Variants in GRIK4 observed in about 807,000 individuals in gnomAD.
GRIK4 encodes the protein glutamate receptor ionotropic, kainate 4.
A neutral mutation model predicts 104.9 loss-of-function variants in GRIK4; 40 were observed. The observed-to-expected ratio is 0.38, with a 90% CI of 0.30 to 0.50. The LOEUF (loss-of-function observed/expected upper bound fraction) is 0.50, where lower values mean the gene tolerates loss of function less well. Among genes scored for constraint, GRIK4 ranks in the 20% least tolerant of loss-of-function variants. The pLI is 0.93. For synonymous variants in GRIK4, 485 were observed against 524.9 expected (o/e 0.92, Z 1.04); for missense variants, 1,047 against 1,308.1 (o/e 0.80, Z 3.08).
rs772831685 is a variant in GRIK4 at position 120,986,156 on chromosome 11, C to T, written c.2767C>T (p.Pro923Ser). 6.5e-7 allele frequency: 1 copy of T among 1,545,256 alleles called. No individual in the cohort carries two copies. Among genetic ancestry groups the T allele is most frequent in the South Asian group, 1.2e-5 (1 of 85,188 alleles). Reference sequence around the variant, plus strand: ...CGGCTGCACGCACATCCGCGTCTGCCCCGAGTGCCGCCGCTTCCAGGGCCT... The same window carrying T: ...CGGCTGCACGCACATCCGCGTCTGCTCCGAGTGCCGCCGCTTCCAGGGCCT... ...ARGCTHIRVC[P>S]ECRRFQGLRA... Residue 923 changes from proline to serine, a missense_variant, in exon 21 of 21, where the codon CCC becomes TCC. Coordinates refer to ENST00000527524, the MANE Select transcript of GRIK4 (RefSeq NM_014619.5).
In GRIK4 at chr11:120,985,968, AC is replaced by A; in HGVS notation, c.2584del (p.Arg862AlafsTer193). 2 of 1,526,704 alleles carry A rather than the reference AC, an allele frequency of 1.3e-6. No individual in the cohort carries two copies. Among genetic ancestry groups the A allele is most frequent in the East Asian group, 5.1e-5 (2 of 38,996 alleles). 94.6% of individuals were successfully genotyped at this position (1,526,704 alleles called of 1,614,324 possible). ...ATTATCCTGTGTCAGGACAGTATCC[AC>A]CCCCGCCGGCGGCGCGCCGCAGTCC... ...RSIILCQDSI[H>X]PRRRRAAVPP... On this transcript the variant is annotated frameshift_variant, in exon 21 of 21. Coordinates refer to ENST00000527524, the MANE Select transcript of GRIK4 (RefSeq NM_014619.5). LOFTEE classifies it high-confidence loss of function.
At chr11:120,613,670 C>T (rs185497360) in intron 1 of GRIK4, among the ~76,000 whole-genome samples, 2 of 152,298 alleles carry the variant, frequency 1.3e-5, no homozygotes, top group Admixed American at 1.3e-4. Flanking sequence ...CGTGTTTTTC[C>T]ATCCCCAAAA....
chr11:120,627,614 A>T (rs1321811651), intron 1 of GRIK4, among the ~76,000 whole-genome samples: 1 of 152,162 alleles, frequency 6.6e-6, no homozygotes, highest in South Asian at 2.1e-4. Flanking sequence ...CCCAGGAGGC[A>T]GGCCCTGCTG....
At chr11:120,934,191 C>G (rs1043943348) in intron 13 of GRIK4, among the ~76,000 whole-genome samples, 1 of 114,510 alleles carries the variant, frequency 8.7e-6, no homozygotes, top group Non-Finnish European at 1.6e-5. Context: ...GGTGACAGAG[C>G]GAGACTCCGT....
At chr11:120,654,155 T>G (rs1278344722) in intron 2 of GRIK4, among the ~76,000 whole-genome samples, 3 of 152,186 alleles carry the variant, frequency 2.0e-5, no homozygotes, top group Admixed American at 6.5e-5. Flanking sequence ...TGAATTCAAC[T>G]GTAGTCAAAG....
intron 1 of GRIK4, among the ~76,000 whole-genome samples, chr11:120,581,691 TATC>T (rs1167720068): frequency 6.6e-6 from 1 of 152,216 alleles, no homozygotes; most frequent in Non-Finnish European, 1.5e-5. Context: ...TTATTTCAGT[TATC>T]ATAATGTCCT....
rs72995874 is a variant in GRIK4 at position 120,805,844 on chromosome 11, G to T, written c.247+2987G>T. 1.5e-3 allele frequency among the ~76,000 whole-genome samples: 225 copies of T among 152,316 alleles called. 2 individuals are homozygous for T. The Middle Eastern group carries it at 0.017, about 12-fold the overall frequency. ...CTATATTTGGGGAAGGAAGGGAGGAGGGGGACAGGATCTCTGGGTGGAGGA... is the reference window on the plus strand; with the variant it reads ...CTATATTTGGGGAAGGAAGGGAGGATGGGGACAGGATCTCTGGGTGGAGGA... On this transcript the variant is annotated intron_variant, in intron 4 of 20. Transcript: ENST00000527524.
At chr11:120,625,085 G>T (rs1949240927) in intron 1 of GRIK4, among the ~76,000 whole-genome samples, 1 of 152,134 alleles carries the variant, frequency 6.6e-6, no homozygotes, top group African/African-American at 2.4e-5. Context: ...GGAGTTAGAG[G>T]CCAACATGGT....
In GRIK4 at chr11:120,513,293, G is replaced by A. The variant is rs1371082010; in HGVS notation, c.-159+1406G>A. Among the ~76,000 whole-genome samples, 2 of 152,156 alleles carry A rather than the reference G, an allele frequency of 1.3e-5. No individual in the cohort carries two copies. The highest frequency in any genetic ancestry group is 6.5e-5 in the Admixed American group (1 of 15,278). ...TGGTAGTGACACTTCTAGGAGCACC[G>A]GGAAACTGCGGGCGTGGTATCTCCG... On this transcript the variant is annotated intron_variant, in intron 1 of 20. Coordinates refer to ENST00000527524, the MANE Select transcript of GRIK4 (RefSeq NM_014619.5). This position sits in a 1 kb window ranked among gnomAD's most constrained non-coding sequence, Gnocchi z 4.5.
At chr11:120,800,178 C>T (rs1952596644) in intron 3 of GRIK4, among the ~76,000 whole-genome samples, 1 of 152,098 alleles carries the variant, frequency 6.6e-6, no homozygotes, top group African/African-American at 2.4e-5. Context: ...AATAGCAAAA[C>T]ATTTTTTCCC....
At chr11:120,934,791 C>T (rs191326739) in intron 13 of GRIK4, among the ~76,000 whole-genome samples, 18 of 152,272 alleles carry the variant, frequency 1.2e-4, no homozygotes, top group Admixed American at 5.2e-4. Context: ...GCACATCCGC[C>T]CCATGCCACA....
intron 11 of GRIK4, among the ~76,000 whole-genome samples, chr11:120,893,341 A>T (rs987705623): frequency 6.6e-6 from 1 of 152,202 alleles, no homozygotes; most frequent in East Asian, 1.9e-4. Context: ...TATTTACCTA[A>T]ATTTTAATAT....
At chr11:120,954,839 C>A (rs1334907548) in intron 15 of GRIK4, among the ~76,000 whole-genome samples, 1 of 137,704 alleles carries the variant, frequency 7.3e-6, no homozygotes, top group Non-Finnish European at 1.5e-5. Flanking sequence ...ACAAACAATA[C>A]TGGAGTCTAG....
Position 120,905,565 on chromosome 11 carries a change from C to G in GRIK4, c.1476+72C>G, listed in dbSNP as rs1942850934. 9.1e-6 allele frequency: 9 copies of G among 991,522 alleles called. No individual in the cohort carries two copies. The highest frequency in any genetic ancestry group is 1.1e-5 in the Non-Finnish European group (7 of 629,828). The allele number at this position is 991,522 out of a possible 1,614,324, so 61.4% of individuals were successfully genotyped here. On this transcript the variant is annotated intron_variant, in intron 13 of 20. Coordinates refer to ENST00000527524, the MANE Select transcript of GRIK4 (RefSeq NM_014619.5). The surrounding 1 kb of genome is among the most constrained non-coding windows in gnomAD (Gnocchi z 5.1). ...ATTGGAAGAGCATGAGGTTGTGCTG[C>G]ACGCTCATGAACCCTCCATTTGTTC...
Position 120,973,662 on chromosome 11 carries a change from T to C in GRIK4, c.2395+6339T>C, listed in dbSNP as rs12288930. Among the ~76,000 whole-genome samples, 977 of 152,306 alleles carry C rather than the reference T, an allele frequency of 6.4e-3. 7 individuals are homozygous for C. Among genetic ancestry groups the C allele is most frequent in the African/African-American group, 0.022 (930 of 41,548 alleles). On this transcript the variant is annotated intron_variant, in intron 19 of 20. Transcript: ENST00000527524. The stretch of plus-strand genomic sequence containing the variant: ...AGCTGCTAGTGCCAGTTTAATGTGG[T>C]GGCCCCATTTGTGCCATGGCTGGAG...
intron 3 of GRIK4, among the ~76,000 whole-genome samples, chr11:120,672,993 T>C (rs769126177): frequency 2.0e-5 from 3 of 152,232 alleles, no homozygotes; most frequent in Non-Finnish European, 2.9e-5. Flanking sequence ...AGGGCATACC[T>C]GTCTTGTGCC....
At chr11:120,675,771 A>G (rs1950090428) in intron 3 of GRIK4, among the ~76,000 whole-genome samples, 1 of 152,198 alleles carries the variant, frequency 6.6e-6, no homozygotes, top group Non-Finnish European at 1.5e-5. Flanking sequence ...GTTGAGGTTT[A>G]CATGAGCTAA....
intron 1 of GRIK4, among the ~76,000 whole-genome samples, chr11:120,641,036 A>G (rs897805879): frequency 6.6e-6 from 1 of 152,222 alleles, no homozygotes; most frequent in Non-Finnish European, 1.5e-5. Flanking sequence ...CTTTTTAACG[A>G]TGGTGCAACT....
intron 13 of GRIK4, among the ~76,000 whole-genome samples, chr11:120,925,886 T>A (rs2852242): frequency 0.88 from 132,532 of 151,400 alleles, 58,973 homozygotes; most frequent in East Asian, 0.99. Flanking sequence ...AGGCAGGGGA[T>A]TTGCTTGACC....
Sources: allele counts gnomAD v4.1 joint callset (sites outside exome capture counted in the v4.1 genomes callset), GRCh38; gene constraint gnomAD v4.1.1; non-coding constraint Gnocchi (gnomAD v3.1); transcripts MANE v1.5; gene names NCBI Gene and HGNC (gene_info 2026-07-23, HGNC 2026-07-21).